The following AVL9 variants were observed in gnomAD, a reference collection of about 807,000 sequenced individuals.
AVL9 encodes the protein AVL9 cell migration associated, also known as late secretory pathway protein AVL9 homolog.
In AVL9, 49 loss-of-function variants were observed where a neutral mutation model predicts 79.2. That is an observed-to-expected ratio of 0.62 (90% CI 0.49 to 0.79). The LOEUF (loss-of-function observed/expected upper bound fraction) is 0.79. Ranked by LOEUF, AVL9 falls within the 30% of genes least tolerant of loss-of-function variation. The pLI is 0.00. For missense variants in AVL9, 682 were observed against 776.8 expected, an observed-to-expected ratio of 0.88 and a Z score of 1.45; for synonymous variants, 299 against 280.6, an observed-to-expected ratio of 1.07 and a Z score of -0.65.
intron 11 of AVL9, among the ~76,000 whole-genome samples, chr7:32,571,873 A>G (rs183500886): frequency 9.9e-5 from 15 of 152,224 alleles, no homozygotes; most frequent in Non-Finnish European, 1.8e-4. Context: ...AAGACATTCT[A>G]AAGTATCTGG....
rs375647073 is a variant in AVL9 at position 32,524,602 on chromosome 7, C to G, written c.94-18539C>G. 8.5e-3 allele frequency among the ~76,000 whole-genome samples: 852 copies of G among 100,206 alleles called. 8 individuals carry two copies. Among genetic ancestry groups the G allele is most frequent in the African/African-American group, 0.023 (812 of 35,870 alleles). The allele number at this position is 100,206 out of a possible 152,430, so 65.7% of individuals were successfully genotyped here. ...TATTATATCTAACTGAGGGATGTTT[C>G]CCCTATCTAGTGCTATAAAACTGAA... On this transcript the variant is annotated intron_variant, in intron 1 of 15. Transcript: ENST00000318709.
chr7:32,501,319 A>G (rs138789231), intron 1 of AVL9, among the ~76,000 whole-genome samples: 1 of 152,340 alleles, frequency 6.6e-6, no homozygotes, highest in Non-Finnish European at 1.5e-5. Context: ...TCTTGTTGCA[A>G]TAAGTAGTTC....
intron 10 of AVL9, among the ~76,000 whole-genome samples, chr7:32,565,418 G>A (rs964075912): frequency 6.6e-6 from 1 of 151,866 alleles, no homozygotes. Flanking sequence ...AATTAGCTAG[G>A]TGTGGTGGTG....
intron 1 of AVL9, among the ~76,000 whole-genome samples, chr7:32,505,940 T>C (rs746645819): frequency 6.6e-6 from 1 of 152,184 alleles, no homozygotes; most frequent in African/African-American, 2.4e-5. Flanking sequence ...TCTTCACTCT[T>C]TGTAAGCAAC....
intron 1 of AVL9, among the ~76,000 whole-genome samples, chr7:32,540,976 G>A (rs1789168792): frequency 7.6e-6 from 1 of 130,896 alleles, no homozygotes; most frequent in Admixed American, 9.5e-5. Flanking sequence ...TTGGCTCACT[G>A]CAAGCTCCGC....
In AVL9 at chr7:32,541,492, TAAA is replaced by T. The variant is rs1004373331; in HGVS notation, c.94-1645_94-1643del. Among the ~76,000 whole-genome samples, 7 of 152,248 alleles carry T rather than the reference TAAA, an allele frequency of 4.6e-5. No homozygotes were observed. In the East Asian group the frequency reaches 1.2e-3, roughly 25 times the overall value. On this transcript the variant is annotated intron_variant, in intron 1 of 15. Coordinates refer to ENST00000318709, the MANE Select transcript of AVL9 (RefSeq NM_015060.3). ...ATTTTTTTACATTTATTTTTGGTGT[TAAA>T]AAATAATTCTGAATTGGTAACTTTT...
chr7:32,571,205 C>CT lies in AVL9; in HGVS notation c.1350+1052dup, dbSNP rs543799403. 5.3e-3 allele frequency among the ~76,000 whole-genome samples: 678 copies of CT among 127,530 alleles called. 3 individuals are homozygous for CT. The highest frequency in any genetic ancestry group is 7.7e-3 in the Non-Finnish European group (482 of 62,282). 83.7% of individuals were successfully genotyped at this position (127,530 alleles called of 152,430 possible). A position where few individuals can be genotyped will look rare whatever the true frequency, so the allele number is the denominator to read the frequency against. The stretch of plus-strand genomic sequence containing the variant: ...CAAGATTGCACCACTGCACTCCAGC[C>CT]TGGGTGACAGAGTGACCCTGTCTCA... On this transcript the variant is annotated intron_variant, in intron 11 of 15. Transcript: ENST00000318709.
intron 1 of AVL9, among the ~76,000 whole-genome samples, chr7:32,529,366 A>G (rs975672028): frequency 2.0e-5 from 3 of 152,196 alleles, no homozygotes; most frequent in Non-Finnish European, 4.4e-5. Context: ...GTTGCTGTAA[A>G]TCTCCTGGTT....
At chr7:32,503,369 T>TACACACACACACACACACACACAC (rs1237567459) in intron 1 of AVL9, among the ~76,000 whole-genome samples, 5 of 101,318 alleles carry the variant, frequency 4.9e-5, no homozygotes, top group East Asian at 3.0e-4. Flanking sequence ...GAGATATATA[T>TACACACACACACACACACACACAC]ATATACACAC....
rs1790557148 is a variant in AVL9 at position 32,566,179 on chromosome 7, TA to T, written c.1216-3840del. On this transcript the variant is annotated intron_variant, in intron 10 of 15. Transcript: ENST00000318709. ...TTAAAAAAATTTTAATTATTATTATTATTTTTTTTTTTTGGAGACAAGGTCT... is the reference window on the plus strand; with the variant it reads ...TTAAAAAAATTTTAATTATTATTATTTTTTTTTTTTTTGGAGACAAGGTCT... 5.2e-5 allele frequency among the ~76,000 whole-genome samples: 4 copies of T among 76,724 alleles called. No homozygotes were observed. In the Admixed American group the frequency reaches 6.7e-4, roughly 13 times the overall value. 50.3% of individuals were successfully genotyped at this position (76,724 alleles called of 152,430 possible).
At chr7:32,495,983 G>A (rs1259781540) in intron 1 of AVL9, among the ~76,000 whole-genome samples, 181 bp downstream of exon 1, 1 of 135,000 alleles carries the variant, frequency 7.4e-6, no homozygotes, top group African/African-American at 2.7e-5. Context: ...ATGAAGCCCA[G>A]CCCCCACAAC....
chr7:32,523,991 C>T (rs1367918596), intron 1 of AVL9, among the ~76,000 whole-genome samples: 1 of 151,824 alleles, frequency 6.6e-6, no homozygotes, highest in East Asian at 2.0e-4. Flanking sequence ...CCTCAGCCTC[C>T]CAAAGTGCTG....
chr7:32,519,314 G>C (rs912049715), intron 1 of AVL9, among the ~76,000 whole-genome samples: 1 of 152,016 alleles, frequency 6.6e-6, no homozygotes, highest in Non-Finnish European at 1.5e-5. Flanking sequence ...TGTAATCCCA[G>C]CTACTCAGGA....
At chr7:32,547,142 G>T (rs1041772921) in intron 3 of AVL9, among the ~76,000 whole-genome samples, 2 of 152,236 alleles carry the variant, frequency 1.3e-5, no homozygotes, top group African/African-American at 4.8e-5. Flanking sequence ...CTGGGTACCA[G>T]CGAGGGTCCA....
At position 32,566,180 on chromosome 7, in the gene AVL9, A is replaced by ATCTTTTTTTTTTTTTTTTTTTTTTT. The variant is rs70992731; in HGVS notation, c.1216-3839_1216-3838insCTTTTTTTTTTTTTTTTTTTTTTTT. Among the ~76,000 whole-genome samples the ATCTTTTTTTTTTTTTTTTTTTTTTT allele has an allele frequency of 1.1e-4, 10 of 93,890 alleles. 3 individuals carry two copies. Among genetic ancestry groups the ATCTTTTTTTTTTTTTTTTTTTTTTT allele is most frequent in the African/African-American group, 1.7e-4 (4 of 24,086 alleles). 61.6% of individuals were successfully genotyped at this position (93,890 alleles called of 152,430 possible). On this transcript the variant is annotated intron_variant, in intron 10 of 15. Coordinates refer to ENST00000318709, the MANE Select transcript of AVL9 (RefSeq NM_015060.3). The stretch of plus-strand genomic sequence containing the variant: ...TAAAAAAATTTTAATTATTATTATT[A>ATCTTTTTTTTTTTTTTTTTTTTTTT]TTTTTTTTTTTTGGAGACAAGGTCT...
rs576834216 is a variant in AVL9, at chr7:32,548,760, T to C, written c.301-87T>C. ...TTAACTGAATGTAAGAAATTTCTTA[T>C]ATATAATTTCTATTTTTATGTTGAA... On this transcript the variant is annotated intron_variant, in intron 3 of 15. Transcript: ENST00000318709. 2.7e-5 allele frequency: 24 copies of C among 902,122 alleles called. 1 individual carries two copies. The South Asian group carries it at 2.7e-4, about 10-fold the overall frequency. The allele number at this position is 902,122 out of a possible 1,614,324, so 55.9% of individuals were successfully genotyped here. A position where few individuals can be genotyped will look rare whatever the true frequency, so the allele number is the denominator to read the frequency against.
At chr7:32,582,143 T>C (rs114031135) in intron 15 of AVL9, among the ~76,000 whole-genome samples, 1,814 of 152,370 alleles carry the variant, frequency 0.012, 39 homozygotes, top group African/African-American at 0.04. Flanking sequence ...GTTTCAAACC[T>C]GAACATTGCA....
chr7:32,500,616 G>T (rs1787083147), intron 1 of AVL9, among the ~76,000 whole-genome samples: 1 of 151,942 alleles, frequency 6.6e-6, no homozygotes, highest in African/African-American at 2.4e-5. Context: ...AGTTTAATTA[G>T]ATCCCATTTG....
rs1583602194 is a variant in AVL9 at position 32,576,328 on chromosome 7, C to G, written c.1688+256C>G. On this transcript the variant is annotated intron_variant, in intron 13 of 15. Coordinates refer to ENST00000318709, the MANE Select transcript of AVL9 (RefSeq NM_015060.3). ...TCGATGTGATTCAGAGAGGAAGTCC[C>G]TGGCACTTGGTGATGCTCAGTACAC... 2.6e-5 allele frequency among the ~76,000 whole-genome samples: 4 copies of G among 152,288 alleles called. No individual in the cohort carries two copies. The Middle Eastern group carries it at 0.014, about 518-fold the overall frequency.
Sources: allele counts gnomAD v4.1 joint callset (sites outside exome capture counted in the v4.1 genomes callset), GRCh38; gene constraint gnomAD v4.1.1; transcripts MANE v1.5; gene names NCBI Gene and HGNC (gene_info 2026-07-23, HGNC 2026-07-21).